The following ARNT2 variants were observed in gnomAD, a reference collection of about 807,000 sequenced individuals.
ARNT2 encodes aryl hydrocarbon receptor nuclear translocator 2.
ARNT2 carries 36 observed loss-of-function variants against 91.7 expected under a neutral mutation model. That is an observed-to-expected ratio of 0.39 (90% CI 0.30 to 0.52). The LOEUF (loss-of-function observed/expected upper bound fraction) is 0.52. ARNT2 is among the 20% of genes least tolerant of loss of function. ARNT2 has a pLI of 0.72. For missense variants in ARNT2, 775 were observed against 939.3 expected (o/e 0.83, Z 2.29); for synonymous variants, 365 against 347.1 (o/e 1.05, Z -0.57).
At chr15:80,419,110 C>A in intron 1 of ARNT2, among the ~76,000 whole-genome samples, 1 of 151,966 alleles carries the variant, frequency 6.6e-6, no homozygotes, top group East Asian at 1.9e-4. Context: ...ATGGCGTGGT[C>A]AAATAGGTAC....
chr15:80,584,005 A>G (rs1307101547), intron 17 of ARNT2, among the ~76,000 whole-genome samples: 1 of 152,244 alleles, frequency 6.6e-6, no homozygotes, highest in Admixed American at 6.5e-5. Flanking sequence ...TCAGTGCATC[A>G]TGTGTTACCT....
chr15:80,580,963 CATA>C, intron 16 of ARNT2: 1 of 527,476 alleles, frequency 1.9e-6, no homozygotes. Context: ...TCTAGGTGTT[CATA>C]ATGCCAAGGC....
intron 4 of ARNT2, among the ~76,000 whole-genome samples, chr15:80,472,440 G>C (rs2141396124): frequency 6.6e-6 from 1 of 152,318 alleles, no homozygotes; most frequent in African/African-American, 2.4e-5. Flanking sequence ...TTCTGCTAGA[G>C]CCGAGACTCG....
chr15:80,503,777 C>CA (rs1664410758), intron 5 of ARNT2, among the ~76,000 whole-genome samples: 2 of 152,244 alleles, frequency 1.3e-5, no homozygotes, highest in Non-Finnish European at 2.9e-5. Context: ...GCTCTCAGCA[C>CA]ACTGAGTCAA....
chr15:80,502,229 T>C (rs968782470), intron 5 of ARNT2, among the ~76,000 whole-genome samples: 2 of 152,230 alleles, frequency 1.3e-5, no homozygotes, highest in African/African-American at 4.8e-5. Flanking sequence ...GGCTGTTTGA[T>C]TGTACCATTT....
At chr15:80,414,416 C>T (rs1187366398) in intron 1 of ARNT2, among the ~76,000 whole-genome samples, 1 of 152,132 alleles carries the variant, frequency 6.6e-6, no homozygotes, top group African/African-American at 2.4e-5. Context: ...ACAGTGGCAA[C>T]TAGAAGAAAA....
intron 1 of ARNT2, among the ~76,000 whole-genome samples, chr15:80,449,163 G>C (rs1595967644): frequency 6.6e-6 from 1 of 152,214 alleles, no homozygotes; most frequent in East Asian, 1.9e-4. Flanking sequence ...TATGTTTTTA[G>C]TGGATGTTGG....
intron 8 of ARNT2, among the ~76,000 whole-genome samples, chr15:80,547,264 G>T (rs770846626): frequency 1.3e-5 from 2 of 152,136 alleles, no homozygotes; most frequent in Non-Finnish European, 2.9e-5. Context: ...GGGCCTTAGC[G>T]TGAATCAAAG....
intron 5 of ARNT2, among the ~76,000 whole-genome samples, chr15:80,482,623 G>A (rs184867504): frequency 9.1e-4 from 138 of 152,334 alleles, no homozygotes; most frequent in Middle Eastern, 3.4e-3. Context: ...GGCACCAGGA[G>A]CCAGAACAGC....
chr15:80,477,131 G>T (rs1385319373), intron 5 of ARNT2, among the ~76,000 whole-genome samples: 1 of 152,224 alleles, frequency 6.6e-6, no homozygotes, highest in Admixed American at 6.5e-5. Context: ...CCTCCTCAGA[G>T]GCCAAGCAGA....
At chr15:80,437,342 A>C (rs1353682184) in intron 1 of ARNT2, among the ~76,000 whole-genome samples, 1 of 151,590 alleles carries the variant, frequency 6.6e-6, no homozygotes, top group East Asian at 1.9e-4. Context: ...CCAGAGTCTC[A>C]CCCACTCCAT....
chr15:80,485,497 A>G (rs1422477550), intron 5 of ARNT2, among the ~76,000 whole-genome samples: 2 of 152,204 alleles, frequency 1.3e-5, no homozygotes, highest in Non-Finnish European at 2.9e-5. Context: ...AGAGACACCA[A>G]AGAGATAATC....
At chr15:80,414,005 G>A (rs571784011) in intron 1 of ARNT2, among the ~76,000 whole-genome samples, 1 of 152,232 alleles carries the variant, frequency 6.6e-6, no homozygotes, top group African/African-American at 2.4e-5. Flanking sequence ...GTCAGTAGAT[G>A]AGCTGAGTTC....
intron 1 of ARNT2, among the ~76,000 whole-genome samples, chr15:80,407,560 T>G (rs1895618505): frequency 6.6e-6 from 1 of 152,228 alleles, no homozygotes; most frequent in Non-Finnish European, 1.5e-5. Flanking sequence ...CTGTGGCCCC[T>G]GGTGCCTCCT....
chr15:80,417,584 C>T (rs547351394), intron 1 of ARNT2, among the ~76,000 whole-genome samples: 1 of 151,522 alleles, frequency 6.6e-6, no homozygotes, highest in Non-Finnish European at 1.5e-5. Flanking sequence ...CTCCCTTCCT[C>T]CCTCTTTCTC....
intron 12 of ARNT2, among the ~76,000 whole-genome samples, chr15:80,569,311 G>T (rs1463070385): frequency 6.6e-6 from 1 of 152,228 alleles, no homozygotes; most frequent in Non-Finnish European, 1.5e-5. Context: ...AGCCGTTGTA[G>T]CCCAGCTAAT....
At chr15:80,450,431 G>C (rs1265095878) in intron 1 of ARNT2, among the ~76,000 whole-genome samples, 1 of 152,220 alleles carries the variant, frequency 6.6e-6, no homozygotes, top group East Asian at 1.9e-4. Context: ...CACGAACCTA[G>C]GGCAACGGAG....
intron 11 of ARNT2, chr15:80,556,116 T>C (rs891176799): frequency 2.6e-5 from 4 of 152,120 alleles, no homozygotes; most frequent in African/African-American, 9.7e-5. Flanking sequence ...AAACCCTGTC[T>C]CTACTAAAAA....
At chr15:80,582,131 A>G (rs1683216894) in intron 17 of ARNT2, among the ~76,000 whole-genome samples, 1 of 152,174 alleles carries the variant, frequency 6.6e-6, no homozygotes, top group African/African-American at 2.4e-5. Context: ...TCTGAGCCCA[A>G]ACATCTGAAT....
Sources: allele counts gnomAD v4.1 joint callset (sites outside exome capture counted in the v4.1 genomes callset), GRCh38; gene constraint gnomAD v4.1.1; transcripts MANE v1.5; gene names NCBI Gene and HGNC (gene_info 2026-07-23, HGNC 2026-07-21).